Variants in MAML3 observed in about 807,000 individuals in gnomAD.
MAML3 encodes the protein mastermind like transcriptional coactivator 3.
MAML3 carries 27 observed loss-of-function variants against 101.9 expected under a neutral mutation model. The observed-to-expected ratio is 0.27, with a 90% CI of 0.20 to 0.37. MAML3 has a LOEUF of 0.37. Ranked by LOEUF, MAML3 falls within the 10% of genes least tolerant of loss-of-function variation. MAML3 has a pLI of 1.00. For missense variants in MAML3, 1,316 were observed against 1,444.9 expected, an observed-to-expected ratio of 0.91 and a Z score of 1.45; for synonymous variants, 501 against 555.9, an observed-to-expected ratio of 0.90 and a Z score of 1.39.
chr4:139,938,104 C>A (rs1733541174), intron 1 of MAML3, among the ~76,000 whole-genome samples: 1 of 152,144 alleles, frequency 6.6e-6, no homozygotes. Context: ...TAAGTCTGGG[C>A]ACCAAGGGCT....
intron 1 of MAML3, chr4:140,134,061 A>C: frequency 2.2e-6 from 1 of 454,458 alleles, no homozygotes; most frequent in Non-Finnish European, 4.4e-6. Flanking sequence ...AGGTTGTGAC[A>C]GTTGTATTAA....
At chr4:139,736,253 C>A (rs1391346547) in intron 2 of MAML3, among the ~76,000 whole-genome samples, 2 of 152,144 alleles carry the variant, frequency 1.3e-5, no homozygotes, top group Non-Finnish European at 2.9e-5. Flanking sequence ...CAACCTCTCA[C>A]CAGAATCCAG....
chr4:140,151,115 G>A lies in MAML3; in HGVS notation c.468+1745C>T, dbSNP rs537489960. 2.2e-4 allele frequency among the ~76,000 whole-genome samples: 33 copies of A among 152,178 alleles called. No individual in the cohort carries two copies. The East Asian group carries it at 5.8e-3, about 27-fold the overall frequency. On this transcript the variant is annotated intron_variant, in intron 1 of 4. Coordinates refer to ENST00000509479, the MANE Select transcript of MAML3 (RefSeq NM_018717.5). ...CCCGGGGTCTGAGCTGGGCCGCGAG[G>A]CGGACAAAGCGCCTCCCGCTCCCTC...
chr4:139,926,508 G>T (rs924684666), intron 1 of MAML3, among the ~76,000 whole-genome samples: 1 of 152,210 alleles, frequency 6.6e-6, no homozygotes, highest in African/African-American at 2.4e-5. Flanking sequence ...GCTGTGGCAG[G>T]AGAATTGCTT....
chr4:140,061,348 T>C (rs1293217141), intron 1 of MAML3, among the ~76,000 whole-genome samples: 3 of 152,200 alleles, frequency 2.0e-5, no homozygotes, highest in African/African-American at 7.2e-5. Flanking sequence ...AACTACGATA[T>C]GGGAGACTGC....
intron 1 of MAML3, among the ~76,000 whole-genome samples, chr4:140,021,920 T>A (rs550130333): frequency 6.6e-6 from 1 of 152,288 alleles, no homozygotes; most frequent in East Asian, 1.9e-4. Context: ...AGGTGCCTTA[T>A]GAGATGGATA....
At chr4:139,728,305 C>T (rs748543502) in intron 3 of MAML3, among the ~76,000 whole-genome samples, 3 of 152,202 alleles carry the variant, frequency 2.0e-5, no homozygotes, top group Admixed American at 6.5e-5. Flanking sequence ...TCCTCAGGTA[C>T]AGGCAAGACG....
At chr4:140,105,794 C>T (rs145161531) in intron 1 of MAML3, among the ~76,000 whole-genome samples, 1 of 152,220 alleles carries the variant, frequency 6.6e-6, no homozygotes, top group Non-Finnish European at 1.5e-5. Context: ...GATGGAGACA[C>T]TGGCCTGGCC....
chr4:140,052,626 C>G (rs1727286491), intron 1 of MAML3, among the ~76,000 whole-genome samples: 1 of 151,396 alleles, frequency 6.6e-6, no homozygotes, highest in African/African-American at 2.4e-5. Context: ...CCTCTACCTC[C>G]TAGGTTCGAG....
intron 1 of MAML3, among the ~76,000 whole-genome samples, chr4:140,106,709 A>G (rs1560895652): frequency 6.6e-6 from 1 of 152,190 alleles, no homozygotes; most frequent in Non-Finnish European, 1.5e-5. Flanking sequence ...TTGGTGTTGC[A>G]ACTACCCAGA....
At position 139,718,000 on chromosome 4, in the gene MAML3, G is replaced by C. The variant is rs72728790; in HGVS notation, c.*1323C>G. On this transcript the variant is annotated 3_prime_UTR_variant, in exon 5 of 5. Transcript: ENST00000509479. ...TTTCTATCCAAATTTGTAAGGTGGA[G>C]CAATTGCTTTTTTAGCTCCTCCACC... 6.6e-6 allele frequency: 1 copy of C among 152,298 alleles called. No homozygotes were observed. Among genetic ancestry groups the C allele is most frequent in the Non-Finnish European group, 1.5e-5 (1 of 68,026 alleles). The allele number at this position is 152,298 out of a possible 1,614,324, so 9.4% of individuals were successfully genotyped here.
At chr4:140,013,659 A>G (rs1451920521) in intron 1 of MAML3, among the ~76,000 whole-genome samples, 1 of 152,220 alleles carries the variant, frequency 6.6e-6, no homozygotes, top group East Asian at 1.9e-4. Context: ...TGGAAATTAG[A>G]TTACTTGCTC....
chr4:139,903,858 G>A (rs552314843), intron 1 of MAML3, among the ~76,000 whole-genome samples: 3 of 152,160 alleles, frequency 2.0e-5, no homozygotes, highest in Admixed American at 6.5e-5. Flanking sequence ...GTTGGTGAAC[G>A]GCCATTACTC....
At chr4:140,016,041 A>G (rs1726636663) in intron 1 of MAML3, among the ~76,000 whole-genome samples, 1 of 152,222 alleles carries the variant, frequency 6.6e-6, no homozygotes, top group Non-Finnish European at 1.5e-5. Flanking sequence ...GAAAATCTCA[A>G]GAGATCTTTA....
At chr4:140,109,263 C>A (rs1028718106) in intron 1 of MAML3, among the ~76,000 whole-genome samples, 3 of 152,304 alleles carry the variant, frequency 2.0e-5, no homozygotes, top group African/African-American at 7.2e-5. Flanking sequence ...TAGATGTAGT[C>A]CAGTATGCAT....
chr4:140,154,107 TCGCCGCCGCCGC>T lies in MAML3; in HGVS notation c.-792_-781del. The T allele has an allele frequency of 1.1e-5, 2 of 178,026 alleles. No individual in the cohort carries two copies. Among genetic ancestry groups the T allele is most frequent in the East Asian group, 1.7e-4 (1 of 5,844 alleles). 11.0% of individuals were successfully genotyped at this position (178,026 alleles called of 1,614,324 possible). On this transcript the variant is annotated 5_prime_UTR_variant, in exon 1 of 5. Coordinates refer to ENST00000509479, the MANE Select transcript of MAML3 (RefSeq NM_018717.5). ...TGCCACCATCACAATGATCAACTGC[TCGCCGCCGCCGC>T]CGCCGCCGCCTCCTCCTCCTCCTCT...
At chr4:140,054,418 A>G (rs1263927486) in intron 1 of MAML3, among the ~76,000 whole-genome samples, 2 of 152,038 alleles carry the variant, frequency 1.3e-5, no homozygotes, top group African/African-American at 4.8e-5. Flanking sequence ...CAGTAACATA[A>G]GACTTGATTC....
chr4:140,063,627 A>T (rs917043953), intron 1 of MAML3, among the ~76,000 whole-genome samples: 3 of 152,128 alleles, frequency 2.0e-5, no homozygotes, highest in African/African-American at 7.2e-5. Flanking sequence ...TACAGTTATT[A>T]TTTAAGCTTG....
chr4:140,080,976 A>C (rs919362791), intron 1 of MAML3, among the ~76,000 whole-genome samples: 9 of 152,240 alleles, frequency 5.9e-5, no homozygotes, highest in African/African-American at 1.9e-4. Context: ...ACACATCATT[A>C]AACACAAAAT....
Sources: allele counts gnomAD v4.1 joint callset (sites outside exome capture counted in the v4.1 genomes callset), GRCh38; gene constraint gnomAD v4.1.1; transcripts MANE v1.5; gene names NCBI Gene and HGNC (gene_info 2026-07-23, HGNC 2026-07-21).